Variants in CFAP54 observed in about 807,000 individuals in gnomAD.
CFAP54 encodes cilia and flagella associated protein 54.
Under a neutral mutation model 370.4 loss-of-function variants are expected in CFAP54, and 290 were observed. The observed-to-expected ratio is 0.78, with a 90% CI of 0.71 to 0.86. The LOEUF is 0.86. Ranked by LOEUF, CFAP54 falls within the 40% of genes least tolerant of loss-of-function variation. The probability of loss-of-function intolerance (pLI) is 0.00; values close to 1 mark genes in which losing one functional copy is unlikely to be tolerated. For synonymous variants in CFAP54, 1,206 were observed against 1,236.5 expected (o/e 0.98, Z 0.52); for missense variants, 3,399 against 3,528.7 (o/e 0.96, Z 0.93).
intron 48 of CFAP54, among the ~76,000 whole-genome samples, chr12:96,709,312 T>C (rs563152952): frequency 5.3e-5 from 8 of 152,334 alleles, no homozygotes; most frequent in African/African-American, 1.9e-4. Context: ...CCAAGGAACA[T>C]TGCCACAGTG....
intron 34 of CFAP54, among the ~76,000 whole-genome samples, 182 bp downstream of exon 34, chr12:96,648,199 C>G (rs1482161730): frequency 6.6e-6 from 1 of 152,036 alleles, no homozygotes; most frequent in Non-Finnish European, 1.5e-5. Context: ...TAAAAAATTT[C>G]TATATTCTTA....
intron 64 of CFAP54, among the ~76,000 whole-genome samples, chr12:96,816,996 A>G (rs970005013): frequency 1.3e-5 from 2 of 152,132 alleles, no homozygotes; most frequent in Non-Finnish European, 2.9e-5. Context: ...CCCGACACAC[A>G]TGCAATACAC....
At chr12:96,500,296 C>T (rs545796890) in intron 1 of CFAP54, among the ~76,000 whole-genome samples, 15 of 152,108 alleles carry the variant, frequency 9.9e-5, no homozygotes, top group African/African-American at 2.9e-4. Context: ...AGAGATTAAG[C>T]GGGAAAGGAG....
intron 13 of CFAP54, among the ~76,000 whole-genome samples, chr12:96,540,618 A>C (rs1955559560): frequency 6.6e-6 from 1 of 152,232 alleles, no homozygotes; most frequent in Admixed American, 6.5e-5. Context: ...CTACTTTATG[A>C]ATTTATATAA....
At chr12:96,587,191 T>A (rs1376363175) in intron 22 of CFAP54, among the ~76,000 whole-genome samples, 6 of 151,974 alleles carry the variant, frequency 3.9e-5, no homozygotes. Flanking sequence ...GAGTAGTCAG[T>A]TAGATGTATG....
At position 96,726,543 on chromosome 12, in the gene CFAP54, G is replaced by A. The variant is rs561697868; in HGVS notation, c.6965+5978G>A. Among the ~76,000 whole-genome samples the A allele has an allele frequency of 5.3e-5, 8 of 152,174 alleles. No homozygotes were observed. The East Asian group carries it at 1.5e-3, about 29-fold the overall frequency. On this transcript the variant is annotated intron_variant, in intron 50 of 67. Transcript: ENST00000524981. ...GATAACCCCTTTATCATTTTTTATT[G>A]TGTCTATCTGATTCTTCTCTCTTTT...
intron 3 of CFAP54, among the ~76,000 whole-genome samples, chr12:96,504,743 C>T (rs2136351261): frequency 6.6e-6 from 1 of 152,254 alleles, no homozygotes; most frequent in African/African-American, 2.4e-5. Flanking sequence ...TAAGCAGAAA[C>T]TCTTAAGGCA....
intron 19 of CFAP54, among the ~76,000 whole-genome samples, chr12:96,566,631 G>A (rs188214516): frequency 2.6e-5 from 4 of 152,240 alleles, no homozygotes; most frequent in Admixed American, 2.6e-4. Flanking sequence ...ATCTTTATGA[G>A]GTCAGGTCAA....
chr12:96,730,072 A>G (rs934104570), intron 50 of CFAP54, among the ~76,000 whole-genome samples: 4 of 152,172 alleles, frequency 2.6e-5, no homozygotes, highest in Admixed American at 6.5e-5. Flanking sequence ...TAGTTTGGGA[A>G]TACAGAATAG....
chr12:96,775,439 A>T (rs1042770522), intron 60 of CFAP54, among the ~76,000 whole-genome samples: 2 of 152,162 alleles, frequency 1.3e-5, no homozygotes, highest in Non-Finnish European at 2.9e-5. Flanking sequence ...CGACCCAAAA[A>T]AAAACTTTAC....
chr12:96,722,515 G>C (rs952965471), intron 50 of CFAP54, among the ~76,000 whole-genome samples: 2 of 152,202 alleles, frequency 1.3e-5, no homozygotes, highest in African/African-American at 4.8e-5. Flanking sequence ...GATCGGCAAA[G>C]AGGTAACTGG....
At chr12:96,610,666 G>A (rs920832476) in intron 26 of CFAP54, among the ~76,000 whole-genome samples, 3 of 152,162 alleles carry the variant, frequency 2.0e-5, no homozygotes, top group African/African-American at 7.2e-5. Flanking sequence ...GACGGCACCT[G>A]GAAAATCGGG....
chr12:96,605,707 A>G (rs959040805), intron 26 of CFAP54, among the ~76,000 whole-genome samples: 2 of 152,190 alleles, frequency 1.3e-5, no homozygotes, highest in African/African-American at 2.4e-5. Flanking sequence ...AGTCCATAGT[A>G]ATTGTAGGAG....
Position 96,875,523 on chromosome 12 carries a change from A to G in CFAP54, c.*420A>G, listed in dbSNP as rs1329269777. 1 of 152,170 alleles carries G rather than the reference A, an allele frequency of 6.6e-6. No homozygotes were observed. Among genetic ancestry groups the G allele is most frequent in the Non-Finnish European group, 1.5e-5 (1 of 68,032 alleles). The allele number at this position is 152,170 out of a possible 1,614,324, so 9.4% of individuals were successfully genotyped here. ...TGCGTTTTGAAAAGAATTAATTCTC[A>G]AGTAGATTAAAACTACATTCTGGTA... On this transcript the variant is annotated 3_prime_UTR_variant, in exon 68 of 68. Coordinates refer to ENST00000524981, the MANE Select transcript of CFAP54 (RefSeq NM_001306084.2).
At position 96,712,278 on chromosome 12, in the gene CFAP54, G is replaced by C. The variant is rs150456874; in HGVS notation, c.6724+3475G>C. On this transcript the variant is annotated intron_variant, in intron 48 of 67. Transcript: ENST00000524981. ...CTTTGTAAGTTTAGATGAATAGCTAGTGTGTCATTATCATTTATTTAAAAA... is the reference window on the plus strand; with the variant it reads ...CTTTGTAAGTTTAGATGAATAGCTACTGTGTCATTATCATTTATTTAAAAA... Among the ~76,000 whole-genome samples the C allele has an allele frequency of 8.4e-4, 128 of 152,168 alleles. 1 individual carries two copies. The highest frequency in any genetic ancestry group is 2.9e-3 in the African/African-American group (121 of 41,544).
At chr12:96,679,391 C>CT (rs200480679) in intron 39 of CFAP54, among the ~76,000 whole-genome samples, 5,991 of 137,788 alleles carry the variant, frequency 0.043, 199 homozygotes, top group East Asian at 0.1. Flanking sequence ...GTTTTCCAAG[C>CT]TTTTTTTTTT....
intron 66 of CFAP54, among the ~76,000 whole-genome samples, chr12:96,829,729 T>C (rs1198474793): frequency 2.0e-5 from 3 of 151,772 alleles, no homozygotes; most frequent in African/African-American, 7.2e-5. Flanking sequence ...ATATAAAATT[T>C]AAAGTTTTAA....
In CFAP54 at chr12:96,500,881, C is replaced by G; in HGVS notation, c.365C>G (p.Pro122Arg). Residue 122 changes from proline to arginine, a missense_variant, in exon 2 of 68, where the codon CCA becomes CGA. Around this residue, in one of 3 missense-constraint regions of CFAP54, gnomAD observed 559 missense variants for 576.7 expected, o/e 0.97. Transcript: ENST00000524981. ...TGGACTAAATACGCCCCCAGGCTGC[C>G]AGCAGACTATTACAACGAAAAGCTT... The part of the protein sequence containing the change: ...NIWTKYAPRL[P>R]ADYYNEKLLK... 1 of 1,535,732 alleles carries G rather than the reference C, an allele frequency of 6.5e-7. No individual in the cohort carries two copies. The highest frequency in any genetic ancestry group is 8.7e-7 in the Non-Finnish European group (1 of 1,146,692).
intron 65 of CFAP54, among the ~76,000 whole-genome samples, chr12:96,828,680 C>G (rs1959155429): frequency 6.6e-6 from 1 of 152,170 alleles, no homozygotes; most frequent in Non-Finnish European, 1.5e-5. Flanking sequence ...CTTCCCCTGT[C>G]TTCCATAATT....
Sources: allele counts gnomAD v4.1 joint callset (sites outside exome capture counted in the v4.1 genomes callset), GRCh38; gene constraint gnomAD v4.1.1; regional missense constraint gnomAD v4.1.1; transcripts MANE v1.5; gene names NCBI Gene and HGNC (gene_info 2026-07-23, HGNC 2026-07-21).